The following LRP6 variants were observed in gnomAD, a reference collection of about 807,000 sequenced individuals.
LRP6 encodes the protein LDL receptor related protein 6, also known as low-density lipoprotein receptor-related protein 6.
A neutral mutation model predicts 184.1 loss-of-function variants in LRP6; 43 were observed. The ratio of observed to expected loss-of-function variants is 0.23; its 90% CI spans 0.18 to 0.30. The LOEUF is 0.30. Among genes scored for constraint, LRP6 ranks in the 10% least tolerant of loss-of-function variants. LRP6 has a pLI of 1.00. For missense variants in LRP6, 1,571 were observed against 2,005.3 expected (o/e 0.78, Z 4.14); for synonymous variants, 719 against 684.9 (o/e 1.05, Z -0.78).
chr12:12,136,881 GTTA>G (rs1949848036), intron 16 of LRP6, among the ~76,000 whole-genome samples: 1 of 152,008 alleles, frequency 6.6e-6, no homozygotes, highest in Non-Finnish European at 1.5e-5. Flanking sequence ...TATTTAAATA[GTTA>G]TTAAATAAAA....
chr12:12,125,084 C>T (rs1037316989), intron 21 of LRP6, among the ~76,000 whole-genome samples: 2 of 152,122 alleles, frequency 1.3e-5, no homozygotes, highest in African/African-American at 4.8e-5. Flanking sequence ...AATTAATGCC[C>T]AGTGCTTTCA....
At chr12:12,250,898 A>G (rs992158997) in intron 1 of LRP6, among the ~76,000 whole-genome samples, 2 of 151,346 alleles carry the variant, frequency 1.3e-5, no homozygotes, top group Non-Finnish European at 2.9e-5. Context: ...CTGGGGTAAC[A>G]GACGTGAGCC....
Position 12,187,001 on chromosome 12 carries a change from C to G in LRP6, c.766G>C (p.Glu256Gln). 1 of 1,614,132 alleles carries G rather than the reference C, an allele frequency of 6.2e-7. No homozygotes were observed. The highest frequency in any genetic ancestry group is 8.5e-7 in the Non-Finnish European group (1 of 1,180,004). ...TCAGAATGGATTTCACGCAGACCCT[C>G]ACCAGTATACTTGTTGCAAGCCAAA... The part of the protein sequence containing the change: ...SILACNKYTG[E>Q]GLREIHSDIF... Residue 256 changes from glutamate to glutamine, a missense_variant, in exon 4 of 23, where the codon GAG becomes CAG. By Grantham distance (29) the Glu-to-Gln change is conservative. Transcript: ENST00000261349.
At chr12:12,225,211 T>C (rs945658836) in intron 2 of LRP6, among the ~76,000 whole-genome samples, 8 of 152,116 alleles carry the variant, frequency 5.3e-5, no homozygotes, top group Admixed American at 1.3e-4. Context: ...AGACTCCACC[T>C]GGCCGGGGTG....
intron 17 of LRP6, among the ~76,000 whole-genome samples, chr12:12,134,554 T>G (rs540755939): frequency 1.3e-5 from 2 of 152,280 alleles, no homozygotes; most frequent in South Asian, 4.1e-4. Flanking sequence ...ATCACTATAC[T>G]CAGTGATATC....
chr12:12,119,990 A>ATAT lies in LRP6; in HGVS notation c.*1135_*1136insATA, dbSNP rs1406561763. 4 of 45,514 alleles carry ATAT rather than the reference A, an allele frequency of 8.8e-5. No homozygotes were observed. The highest frequency in any genetic ancestry group is 1.2e-4 in the Non-Finnish European group (3 of 25,692). The allele number at this position is 45,514 out of a possible 1,614,324, so 2.8% of individuals were successfully genotyped here. On this transcript the variant is annotated 3_prime_UTR_variant, in exon 23 of 23. Coordinates refer to ENST00000261349, the MANE Select transcript of LRP6 (RefSeq NM_002336.3). ...ACTCAGAAAACAAACAAACAAACAA[A>ATAT]ATATATATATATATATATATATATA...
chr12:12,225,400 AATTTATCAAAGCAG>A (rs1467104184), intron 2 of LRP6, among the ~76,000 whole-genome samples: 1 of 152,236 alleles, frequency 6.6e-6, no homozygotes, highest in Non-Finnish European at 1.5e-5. Flanking sequence ...AAAGGATCAT[AATTTATCAAAGCAG>A]AAATCCACAG....
At chr12:12,150,433 G>C (rs1236983262) in intron 13 of LRP6, among the ~76,000 whole-genome samples, 1 of 152,112 alleles carries the variant, frequency 6.6e-6, no homozygotes, top group East Asian at 1.9e-4. Context: ...ACACATAAGA[G>C]CTATGTGCTT....
Position 12,244,249 on chromosome 12 carries a change from T to C in LRP6, c.449+13A>G. On this transcript the variant is annotated intron_variant, in intron 2 of 22. Coordinates refer to ENST00000261349, the MANE Select transcript of LRP6 (RefSeq NM_002336.3). ...GAGGTATGATGATCTTCGTACACTG[T>C]ACAAAAACTTACCCACTTGAAGGAT... 1 of 1,614,068 alleles carries C rather than the reference T, an allele frequency of 6.2e-7. No homozygotes were observed. Among genetic ancestry groups the C allele is most frequent in the Non-Finnish European group, 8.5e-7 (1 of 1,179,950 alleles).
chr12:12,203,103 A>T, intron 3 of LRP6, 100 bp downstream of exon 3: 1 of 796,500 alleles, frequency 1.3e-6, no homozygotes, highest in Non-Finnish European at 2.0e-6. Context: ...TCTGGCACTT[A>T]GTCAAAAATA....
chr12:12,205,324 ACAAAC>A (rs1345591776), intron 2 of LRP6, among the ~76,000 whole-genome samples: 1,203 of 115,598 alleles, frequency 0.01, 24 homozygotes, highest in African/African-American at 0.043. Context: ...TCTGTCTCAA[ACAAAC>A]AAAAAAAAAA....
intron 2 of LRP6, among the ~76,000 whole-genome samples, chr12:12,227,573 A>G (rs920812959): frequency 9.0e-4 from 137 of 152,074 alleles, no homozygotes; most frequent in African/African-American, 3.0e-3. Context: ...ATGCCAGGCT[A>G]ATTTTTTGTA....
intron 12 of LRP6, chr12:12,155,355 C>A: frequency 1.3e-6 from 1 of 766,540 alleles, no homozygotes; most frequent in Non-Finnish European, 2.4e-6. Flanking sequence ...CACCTATATG[C>A]AAATCTGTAA....
intron 12 of LRP6, chr12:12,155,114 T>G: frequency 2.6e-6 from 1 of 378,644 alleles, no homozygotes; most frequent in Non-Finnish European, 5.0e-6. Flanking sequence ...GAGAATCACT[T>G]GAACCTGGGA....
At chr12:12,196,592 T>G (rs1863768860) in intron 3 of LRP6, among the ~76,000 whole-genome samples, 2 of 152,068 alleles carry the variant, frequency 1.3e-5, no homozygotes, top group South Asian at 2.1e-4. Context: ...TCTAAGAATT[T>G]TTTTTTTTTT....
At position 12,244,361 on chromosome 12, in the gene LRP6, T is replaced by G; in HGVS notation, c.350A>C (p.Asn117Thr). Residue 117 changes from asparagine (N) to threonine (T), a missense_variant, in exon 2 of 23, where the codon AAT becomes ACT. Transcript: ENST00000261349. ...EKLYWTDSET[N>T]RIEVSNLDGS... Reference sequence around the variant, plus strand: ...ATCTAAATTAGAAACTTCAATCCGATTAGTTTCAGAATCTGTCCAGTACAA... The same window carrying G: ...ATCTAAATTAGAAACTTCAATCCGAGTAGTTTCAGAATCTGTCCAGTACAA... 1 of 1,614,210 alleles carries G rather than the reference T, an allele frequency of 6.2e-7. No homozygotes were observed.
At chr12:12,187,582 G>C (rs1863506795) in intron 3 of LRP6, 1 of 191,970 alleles carries the variant, frequency 5.2e-6, no homozygotes, top group Non-Finnish European at 1.1e-5. Flanking sequence ...TTTCCTTCTT[G>C]ATGTGGAAGA....
chr12:12,166,322 T>A (rs1862876997), intron 7 of LRP6, among the ~76,000 whole-genome samples: 1 of 152,142 alleles, frequency 6.6e-6, no homozygotes, highest in Non-Finnish European at 1.5e-5. Flanking sequence ...TCCAATTGCA[T>A]TTCCAGGAAC....
In LRP6 at chr12:12,146,871, C is replaced by T. The variant is rs145628396; in HGVS notation, c.3397+495G>A. ...GGATGCATTAGAAATGTATTATTTA[C>T]GCCGGGCGCGGTGGCTTACGCCTGT... On this transcript the variant is annotated intron_variant, in intron 15 of 22. Transcript: ENST00000261349. 3.7e-3 allele frequency among the ~76,000 whole-genome samples: 564 copies of T among 152,232 alleles called. 16 individuals are homozygous for T. Among genetic ancestry groups the T allele is most frequent in the Non-Finnish European group, 8.2e-4 (56 of 67,998 alleles).
Sources: allele counts gnomAD v4.1 joint callset (sites outside exome capture counted in the v4.1 genomes callset), GRCh38; gene constraint gnomAD v4.1.1; transcripts MANE v1.5; gene names NCBI Gene and HGNC (gene_info 2026-07-23, HGNC 2026-07-21).